SLC26A8: variants seen among roughly 807,000 people sequenced by gnomAD.
The protein encoded by SLC26A8 is testis anion transporter 1.
A neutral mutation model predicts 105.0 loss-of-function variants in SLC26A8; 70 were observed. That is an observed-to-expected ratio of 0.67 (90% CI 0.55 to 0.81). The LOEUF (loss-of-function observed/expected upper bound fraction) is 0.81, where lower values mean the gene tolerates loss of function less well. SLC26A8 is among the 40% of genes least tolerant of loss of function. The probability of loss-of-function intolerance (pLI) is 0.00; values close to 1 mark genes in which losing one functional copy is unlikely to be tolerated. For synonymous variants in SLC26A8, 415 were observed against 438.3 expected, an observed-to-expected ratio of 0.95 and a Z score of 0.66; for missense variants, 998 against 1,181.8, an observed-to-expected ratio of 0.84 and a Z score of 2.28.
At chr6:36,013,516 G>A (rs1430474747) in intron 2 of SLC26A8, among the ~76,000 whole-genome samples, 1 of 152,132 alleles carries the variant, frequency 6.6e-6, no homozygotes, top group African/African-American at 2.4e-5. Context: ...TGGCAAGTGG[G>A]TAGAGGCTAA....
At chr6:35,957,239 G>A (rs760818749) in intron 16 of SLC26A8, among the ~76,000 whole-genome samples, 5 of 151,818 alleles carry the variant, frequency 3.3e-5, no homozygotes, top group Admixed American at 6.6e-5. Flanking sequence ...AAAAGGATAA[G>A]TAAGAATATA....
At chr6:36,013,471 G>A (rs1339464250) in intron 2 of SLC26A8, among the ~76,000 whole-genome samples, 5 of 152,170 alleles carry the variant, frequency 3.3e-5, no homozygotes, top group Admixed American at 2.0e-4. Flanking sequence ...ATAAGCCACC[G>A]TGCCTGGCCC....
chr6:36,006,235 T>C (rs1761680561), intron 3 of SLC26A8, among the ~76,000 whole-genome samples: 1 of 152,190 alleles, frequency 6.6e-6, no homozygotes, highest in African/African-American at 2.4e-5. Context: ...TTCTCCTGCC[T>C]TAGCCTCCCG....
At chr6:36,016,695 C>T (rs912880978) in intron 2 of SLC26A8, among the ~76,000 whole-genome samples, 4 of 152,076 alleles carry the variant, frequency 2.6e-5, no homozygotes, top group Non-Finnish European at 5.9e-5. Context: ...CAACCAAGAC[C>T]GTTTACTAGG....
Position 35,951,237 on chromosome 6 carries a change from C to T in SLC26A8, c.2398G>A (p.Val800Ile), listed in dbSNP as rs865839546. The change falls in exon 19 of 20, where the codon GTC (valine) becomes ATC (isoleucine). Residue 800 changes from valine to isoleucine, a missense_variant. Transcript: ENST00000490799. ...ATGCTTAACTCAGAGGAGCCTATGA[C>T]CTTCCTTGACAAGGCAAACAGCACG... is the stretch of plus-strand genomic sequence containing the variant. ...DAVLFALSRK[V>I]IGSSELSIDE... 1 of 1,614,110 alleles carries T rather than the reference C, an allele frequency of 6.2e-7. No homozygotes were observed. Among genetic ancestry groups the T allele is most frequent in the Non-Finnish European group, 8.5e-7 (1 of 1,180,032 alleles).
Position 35,959,512 on chromosome 6 carries a change from C to A in SLC26A8, c.1811G>T (p.Gly604Val). 6.2e-7 allele frequency: 1 copy of A among 1,614,020 alleles called. No homozygotes were observed. Among genetic ancestry groups the A allele is most frequent in the Non-Finnish European group, 8.5e-7 (1 of 1,179,978 alleles). ...FNSSDTNLQGGKICRCFCNCD... is the reference protein window; with the variant it reads ...FNSSDTNLQGVKICRCFCNCD... The stretch of plus-strand genomic sequence containing the variant: ...GTTGCAGAAACACCTGCAAATCTTT[C>A]CTCCTTGTAGATTGGTGTCACTTGA... The change falls in exon 16 of 20, where the codon GGA becomes GTA. Residue 604 changes from glycine (G) to valine (V), a missense_variant. Coordinates refer to ENST00000490799, the MANE Select transcript of SLC26A8 (RefSeq NM_052961.4).
chr6:35,980,431 T>C (rs1387466346), intron 8 of SLC26A8, among the ~76,000 whole-genome samples: 2 of 152,228 alleles, frequency 1.3e-5, no homozygotes, highest in Non-Finnish European at 2.9e-5. Context: ...TGGGAAGCCT[T>C]AGTTTCCTTA....
chr6:35,959,830 A>G (rs756714945), intron 14 of SLC26A8, 24 bp from the exon 15 acceptor site: 8 of 1,561,826 alleles, frequency 5.1e-6, no homozygotes, highest in Non-Finnish European at 7.0e-6. Context: ...TGTGAAGTTG[A>G]GGGAAATTTC....
In SLC26A8 at chr6:35,992,619, G is replaced by A; in HGVS notation, c.683C>T (p.Ala228Val). The change falls in exon 6 of 20, where the codon GCA becomes GTA. Residue 228 changes from alanine (A) to valine (V), a missense_variant. Transcript: ENST00000490799. ...CACAGCAGCCAGGTAAGCACTCATT[G>A]CAGACTCCGGAAGGTAAGTGGCAAT... The part of the protein sequence containing the change: ...GFIATYLPES[A>V]MSAYLAAVAL... 1 of 1,614,038 alleles carries A rather than the reference G, an allele frequency of 6.2e-7. No individual in the cohort carries two copies. The highest frequency in any genetic ancestry group is 8.5e-7 in the Non-Finnish European group (1 of 1,179,980).
chr6:36,005,109 C>T (rs1761649734), intron 3 of SLC26A8, among the ~76,000 whole-genome samples: 1 of 151,914 alleles, frequency 6.6e-6, no homozygotes, highest in African/African-American at 2.4e-5. Flanking sequence ...TAAGTTTAGG[C>T]CATAGTGAAA....
intron 2 of SLC26A8, among the ~76,000 whole-genome samples, chr6:36,014,234 G>T (rs574042000): frequency 2.6e-5 from 4 of 152,236 alleles, no homozygotes; most frequent in African/African-American, 9.6e-5. Context: ...TGTCACTTAG[G>T]GAAAGACCAG....
chr6:35,957,546 T>C (rs1482957790), intron 16 of SLC26A8, among the ~76,000 whole-genome samples: 1 of 151,644 alleles, frequency 6.6e-6, no homozygotes, highest in Non-Finnish European at 1.5e-5. Flanking sequence ...CAGGCCAGGG[T>C]TGGCTCAGTG....
At chr6:36,018,579 G>A (rs80299928) in intron 2 of SLC26A8, among the ~76,000 whole-genome samples, 12,048 of 152,154 alleles carry the variant, frequency 0.079, 528 homozygotes, top group Non-Finnish European at 0.096. Flanking sequence ...TGGAAATAGC[G>A]GTGATGGTTT....
chr6:36,005,448 C>T (rs1449581475), intron 3 of SLC26A8, among the ~76,000 whole-genome samples: 2 of 152,082 alleles, frequency 1.3e-5, no homozygotes, highest in African/African-American at 2.4e-5. Flanking sequence ...TTAATTTTTA[C>T]CTGTCTTTCA....
intron 7 of SLC26A8, among the ~76,000 whole-genome samples, chr6:35,990,706 T>C (rs1207066306): frequency 6.6e-6 from 1 of 152,160 alleles, no homozygotes; most frequent in Non-Finnish European, 1.5e-5. Context: ...AAGACGGAAA[T>C]TCACCAACAT....
At position 35,968,609 on chromosome 6, in the gene SLC26A8, GTATATATATATATATATATATA is replaced by G. The variant is rs55987809; in HGVS notation, c.1365+246_1365+267del. On this transcript the variant is annotated intron_variant, in intron 11 of 19. Transcript: ENST00000490799. The stretch of plus-strand genomic sequence containing the variant: ...TGTGTATGTGTGTGTGTGTGTGTGT[GTATATATATATATATATATATA>G]TATATATATATATATATATATATCT... Among the ~76,000 whole-genome samples, 13 of 60,090 alleles carry G rather than the reference GTATATATATATATATATATATA, an allele frequency of 2.2e-4. No homozygotes were observed. In the East Asian group the frequency reaches 3.6e-3, roughly 17 times the overall value. The allele number at this position is 60,090 out of a possible 152,430, so 39.4% of individuals were successfully genotyped here.
At chr6:35,960,507 T>A (rs1227260828) in intron 14 of SLC26A8, 3 of 240,232 alleles carry the variant, frequency 1.2e-5, no homozygotes, top group Non-Finnish European at 2.4e-5. Flanking sequence ...ATACAAAAAA[T>A]TAGCCAGGTA....
chr6:35,995,345 C>T (rs1349610950), intron 5 of SLC26A8, among the ~76,000 whole-genome samples: 2 of 152,172 alleles, frequency 1.3e-5, no homozygotes, highest in Admixed American at 6.5e-5. Context: ...ATCTGCCATT[C>T]TTATAGGAAG....
intron 12 of SLC26A8, among the ~76,000 whole-genome samples, chr6:35,962,225 CAAA>C (rs35900014): frequency 4.5e-4 from 53 of 116,490 alleles, no homozygotes; most frequent in African/African-American, 1.3e-3. Flanking sequence ...GACTCCGTCT[CAAA>C]AAAAAAAAAA....
Sources: allele counts gnomAD v4.1 joint callset (sites outside exome capture counted in the v4.1 genomes callset), GRCh38; gene constraint gnomAD v4.1.1; transcripts MANE v1.5; gene names NCBI Gene and HGNC (gene_info 2026-07-23, HGNC 2026-07-21).